KANTR: variants seen among roughly 807,000 people sequenced by gnomAD.
KANTR encodes the protein KDM5C adjacent transcript.
chrX:53,101,255 C>T (rs782411466), intron 2 of KANTR, among the ~76,000 whole-genome samples: 1 of 112,679 alleles, frequency 8.9e-6, no homozygotes, highest in Non-Finnish European at 1.9e-5. Flanking sequence ...GCCTCTCTCA[C>T]CTTTCAACAT....
intron 2 of KANTR, among the ~76,000 whole-genome samples, chrX:53,112,225 T>G (rs1402020738): frequency 2.7e-5 from 3 of 112,025 alleles, no homozygotes; most frequent in Non-Finnish European, 5.6e-5. Flanking sequence ...CATACAATGT[T>G]TGGTTTTCCA....
At chrX:53,134,676 T>C (rs1556817421) in intron 2 of KANTR, among the ~76,000 whole-genome samples, 1 of 111,669 alleles carries the variant, frequency 9.0e-6, no homozygotes, top group African/African-American at 3.3e-5. Context: ...ATGACAATAA[T>C]CACATTGGAA....
At chrX:53,100,186 C>T (rs1227711675) in intron 2 of KANTR, among the ~76,000 whole-genome samples, 1 of 112,415 alleles carries the variant, frequency 8.9e-6, no homozygotes, top group African/African-American at 3.2e-5. Context: ...TTCAGCTACA[C>T]TGAAAATCTG....
In KANTR at chrX:53,118,059, T is replaced by C. The variant is rs781886644; in HGVS notation, c.-804-5410T>C. ...GACAAATTATCCATTCATCCGTTGT[T>C]GGACATTTGGGTCATTTCCAGCTTT... is the stretch of plus-strand genomic sequence containing the variant. On this transcript the variant is annotated intron_variant, in intron 2 of 2. Transcript: ENST00000604062. Among the ~76,000 whole-genome samples the C allele has an allele frequency of 6.2e-5, 7 of 112,517 alleles. No individual in the cohort carries two copies. In the East Asian group the frequency reaches 1.9e-3, roughly 31 times the overall value.
downstream of KANTR, chrX:53,143,690 T>C: frequency 1.4e-6 from 1 of 705,889 alleles, no homozygotes; most frequent in Non-Finnish European, 2.3e-6. Flanking sequence ...ATGGTGATGA[T>C]GCCATGCTCG....
downstream of KANTR, chrX:53,143,900 ATC>A: frequency 4.9e-6 from 2 of 405,461 alleles, no homozygotes; most frequent in East Asian, 1.0e-4. Flanking sequence ...GAGCGCGGCG[ATC>A]TCTATTTCCA....
chrX:53,119,010 A>G (rs1933175957), intron 2 of KANTR, among the ~76,000 whole-genome samples: 1 of 103,737 alleles, frequency 9.6e-6, no homozygotes, highest in African/African-American at 3.5e-5. Flanking sequence ...TTTTAATGGT[A>G]TCTTTGCATG....
exon 3 of KANTR, chrX:53,125,330 C>A (rs1021950901): frequency 2.7e-5 from 3 of 110,777 alleles, no homozygotes; most frequent in African/African-American, 9.8e-5. Context: ...TATAACTGGA[C>A]CTTTTAAAAA....
intron 2 of KANTR, among the ~76,000 whole-genome samples, chrX:53,137,609 A>C (rs1212070673): frequency 9.1e-6 from 1 of 110,080 alleles, no homozygotes; most frequent in African/African-American, 3.3e-5. Flanking sequence ...TACTAAAAAA[A>C]AAATACAAAA....
intron 1 of KANTR, among the ~76,000 whole-genome samples, chrX:53,096,350 T>C (rs1234884004): frequency 8.9e-6 from 1 of 112,463 alleles, no homozygotes; most frequent in Non-Finnish European, 1.9e-5. Context: ...GTTGAATGAA[T>C]AAAAGAACAA....
chrX:53,117,981 T>C (rs1394260434), intron 2 of KANTR, among the ~76,000 whole-genome samples: 1 of 111,826 alleles, frequency 8.9e-6, no homozygotes, highest in East Asian at 2.8e-4. Context: ...GATTCACCTA[T>C]GTTGTTACAT....
downstream of KANTR, among the ~76,000 whole-genome samples, chrX:53,131,191 G>A (rs1208810955): frequency 9.0e-6 from 1 of 110,835 alleles, no homozygotes; most frequent in Non-Finnish European, 1.9e-5. Context: ...TTGACCCTCC[G>A]TAAGTTTGGG....
downstream of KANTR, among the ~76,000 whole-genome samples, chrX:53,128,213 A>T (rs1933313876): frequency 9.0e-6 from 1 of 111,591 alleles, no homozygotes; most frequent in African/African-American, 3.3e-5. Flanking sequence ...AATGCCATCT[A>T]TAAGTTCAGT....
intron 2 of KANTR, among the ~76,000 whole-genome samples, chrX:53,102,984 G>GTTTTTT (rs150831481): frequency 1.4e-5 from 1 of 73,879 alleles, no homozygotes. Context: ...TGTTTTGTTT[G>GTTTTTT]TTTTTTTTTT....
intron 1 of KANTR, among the ~76,000 whole-genome samples, chrX:53,099,241 C>T (rs942875797): frequency 4.5e-5 from 5 of 110,965 alleles, no homozygotes; most frequent in Middle Eastern, 4.6e-3. Flanking sequence ...GGCATGGTGG[C>T]GGACACCTGT....
chrX:53,132,350 T>C (rs1445799265), downstream of KANTR, among the ~76,000 whole-genome samples: 2 of 111,508 alleles, frequency 1.8e-5, no homozygotes, highest in East Asian at 2.8e-4. Context: ...GTGGAGCACA[T>C]GTAGAGAGGA....
At chrX:53,105,323 G>A (rs1932935069) in intron 2 of KANTR, among the ~76,000 whole-genome samples, 1 of 111,801 alleles carries the variant, frequency 8.9e-6, no homozygotes, top group Non-Finnish European at 1.9e-5. Flanking sequence ...AGCCATCCTA[G>A]TGAGTATGAA....
chrX:53,124,762 T>C (rs1200788475), exon 3 of KANTR: 3 of 186,158 alleles, frequency 1.6e-5, no homozygotes, highest in Non-Finnish European at 3.0e-5. Context: ...CTGTCTTAAT[T>C]GCATTATGGT....
At chrX:53,108,072 G>T (rs1932976415) in intron 2 of KANTR, among the ~76,000 whole-genome samples, 1 of 109,707 alleles carries the variant, frequency 9.1e-6, no homozygotes, top group African/African-American at 3.3e-5. Context: ...TGTATTTTTA[G>T]TAGAGACGGG....
Sources: gnomAD v4.1 joint callset for allele counts (sites outside exome capture counted in the v4.1 genomes callset) on GRCh38, gnomAD v4.1.1 for gene constraint, MANE v1.5 for transcripts, NCBI Gene and HGNC (gene_info 2026-07-23, HGNC 2026-07-21) for gene names.